The following PWWP2A variants were observed in gnomAD, a reference collection of about 807,000 sequenced individuals.
PWWP2A encodes the protein PWWP domain-containing protein 2A.
PWWP2A carries 18 observed loss-of-function variants against 48.5 expected under a neutral mutation model. That is an observed-to-expected ratio of 0.37 (90% CI 0.26 to 0.55). The LOEUF is 0.55. Ranked by LOEUF, PWWP2A falls within the 20% of genes least tolerant of loss-of-function variation. The pLI, the probability that PWWP2A is intolerant of heterozygous loss-of-function variation, is 0.81. For synonymous variants in PWWP2A, 396 were observed against 387.7 expected (o/e 1.02, Z -0.25); for missense variants, 867 against 976.4 (o/e 0.89, Z 1.49).
intron 2 of PWWP2A, among the ~76,000 whole-genome samples, chr5:160,084,972 TA>T (rs367544657): frequency 0.014 from 1,996 of 143,744 alleles, 48 homozygotes; most frequent in African/African-American, 0.047. Context: ...CCTTAAATAG[TA>T]AAAAAAAAAA....
chr5:160,065,302 C>T (rs1320880490), intron 4 of PWWP2A: 8 of 658,360 alleles, frequency 1.2e-5, no homozygotes, highest in Non-Finnish European at 1.9e-5. Context: ...CTGGTGTCCC[C>T]GATTCTGGCT....
chr5:160,075,584 T>TTTAA (rs1279244345), downstream of PWWP2A, among the ~76,000 whole-genome samples: 2 of 152,132 alleles, frequency 1.3e-5, no homozygotes, highest in African/African-American at 4.8e-5. Flanking sequence ...GCAGCAGATA[T>TTTAA]TTAATTACAT....
intron 2 of PWWP2A, among the ~76,000 whole-genome samples, chr5:160,086,136 CT>C (rs1460633210): frequency 6.6e-6 from 1 of 152,088 alleles, no homozygotes; most frequent in East Asian, 1.9e-4. Context: ...CTGTCACATT[CT>C]TATGACACAA....
downstream of PWWP2A, among the ~76,000 whole-genome samples, chr5:160,058,389 T>C (rs543131951): frequency 9.4e-4 from 143 of 151,744 alleles, no homozygotes; most frequent in African/African-American, 3.3e-3. Flanking sequence ...TCAGCAGCCA[T>C]AGCCATATGA....
downstream of PWWP2A, chr5:160,090,343 T>G: frequency 2.0e-6 from 2 of 984,356 alleles, no homozygotes; most frequent in South Asian, 9.4e-5. Context: ...TTGATGACTT[T>G]TAAGTCTTTC....
Position 160,119,236 on chromosome 5 carries a change from A to G in PWWP2A, c.153T>C (p.Asp51=). 5.6e-6 allele frequency: 8 copies of G among 1,430,742 alleles called. No homozygotes were observed. Among genetic ancestry groups the G allele is most frequent in the Non-Finnish European group, 7.2e-6 (8 of 1,105,088 alleles). 88.6% of individuals were successfully genotyped at this position (1,430,742 alleles called of 1,614,324 possible). A position where few individuals can be genotyped will look rare whatever the true frequency, so the allele number is the denominator to read the frequency against. The stretch of plus-strand genomic sequence containing the variant: ...CGGATTGCTGCCCGTCAGTCTCGCC[A>G]TCCGGCACAGACGCTTCAGTGGCCG... The part of the protein sequence containing the change: ...PVTATEASVP[D]GETDGQQSAP... Residue 51 remains aspartate (D), a synonymous_variant, in exon 1 of 2, where the codon GAT becomes GAC. Coordinates refer to ENST00000307063, the MANE Select transcript of PWWP2A (RefSeq NM_001130864.2).
chr5:160,104,405 G>A (rs1429281054), intron 1 of PWWP2A, among the ~76,000 whole-genome samples: 3 of 151,810 alleles, frequency 2.0e-5, no homozygotes, highest in African/African-American at 4.8e-5. Context: ...CACTCCAGGC[G>A]GGATGACAGA....
chr5:160,088,864 G>C (rs1754845754), downstream of PWWP2A, among the ~76,000 whole-genome samples: 1 of 152,188 alleles, frequency 6.6e-6, no homozygotes, highest in Non-Finnish European at 1.5e-5. Flanking sequence ...TCCCAATTCA[G>C]TTATTCTAGA....
At chr5:160,054,714 C>T in the PWWP2A span, among the ~76,000 whole-genome samples, 6 of 151,744 alleles carry the variant, frequency 4.0e-5, no homozygotes, top group African/African-American at 1.5e-4. Context: ...CATTTATAAT[C>T]AGAATAATCA....
downstream of PWWP2A, among the ~76,000 whole-genome samples, chr5:160,059,883 G>A (rs893145644): frequency 2.0e-5 from 3 of 152,184 alleles, no homozygotes; most frequent in African/African-American, 7.2e-5. Flanking sequence ...ACGTGCTATT[G>A]GAAAAATTGT....
At chr5:160,089,326 G>A (rs986884247), downstream of PWWP2A, among the ~76,000 whole-genome samples, 4 of 152,098 alleles carry the variant, frequency 2.6e-5, no homozygotes, top group Admixed American at 1.3e-4. Flanking sequence ...TAGGATACAG[G>A]CGAATAGCTG....
chr5:160,065,148 A>G (rs1454386751), intron 4 of PWWP2A: 13 of 1,548,082 alleles, frequency 8.4e-6, no homozygotes, highest in Non-Finnish European at 1.1e-5. Flanking sequence ...GCCAATGTTT[A>G]ACTTTTAAAA....
chr5:160,072,132 G>A (rs142879840), downstream of PWWP2A, among the ~76,000 whole-genome samples: 141 of 152,274 alleles, frequency 9.3e-4, no homozygotes, highest in African/African-American at 3.2e-3. Flanking sequence ...TTCCTTCAGT[G>A]AACTGCACAA....
intron 1 of PWWP2A, among the ~76,000 whole-genome samples, chr5:160,105,286 C>A (rs147264003): frequency 7.0e-6 from 1 of 143,162 alleles, no homozygotes; most frequent in African/African-American, 2.6e-5. Flanking sequence ...CGGTGGCTCA[C>A]AGCTGTAATC....
downstream of PWWP2A, chr5:160,090,259 T>A: frequency 1.0e-6 from 1 of 985,342 alleles, no homozygotes; most frequent in Non-Finnish European, 1.2e-6. Context: ...CACTTGACCA[T>A]ATCAGTAATG....
chr5:160,097,500 C>A (rs113131427), intron 1 of PWWP2A, among the ~76,000 whole-genome samples: 1 of 150,806 alleles, frequency 6.6e-6, no homozygotes, highest in African/African-American at 2.4e-5. Context: ...TGTGGTGACA[C>A]GCGCCTGTAG....
At chr5:160,074,031 C>T (rs575498702), downstream of PWWP2A, among the ~76,000 whole-genome samples, 1 of 149,984 alleles carries the variant, frequency 6.7e-6, no homozygotes, top group Non-Finnish European at 1.5e-5. Flanking sequence ...TGCCACTGCA[C>T]TCCAGCCTGG....
intron 3 of PWWP2A, among the ~76,000 whole-genome samples, chr5:160,079,192 C>T (rs1329104280): frequency 1.3e-5 from 2 of 151,980 alleles, no homozygotes; most frequent in African/African-American, 4.8e-5. Context: ...AAAACCACTC[C>T]GTCCTTCCCA....
chr5:160,116,247 G>A (rs1010782489), intron 1 of PWWP2A, among the ~76,000 whole-genome samples: 2 of 152,046 alleles, frequency 1.3e-5, no homozygotes, highest in African/African-American at 4.8e-5. Flanking sequence ...CGTAGAGACA[G>A]GGTTTCACCA....
Sources: gnomAD v4.1 joint callset for allele counts (sites outside exome capture counted in the v4.1 genomes callset) on GRCh38, gnomAD v4.1.1 for gene constraint, MANE v1.5 for transcripts, NCBI Gene and HGNC (gene_info 2026-07-23, HGNC 2026-07-21) for gene names.